Variants in PEX1 observed in about 807,000 individuals in gnomAD.
The protein encoded by PEX1 is peroxisomal biogenesis factor 1.
In PEX1, 97 loss-of-function variants were observed where a neutral mutation model predicts 152.5. The observed-to-expected ratio is 0.64, with a 90% CI of 0.54 to 0.75. The LOEUF (loss-of-function observed/expected upper bound fraction) is 0.75, where lower values mean the gene tolerates loss of function less well. PEX1 is among the 30% of genes least tolerant of loss of function. The pLI is 0.00. For missense variants in PEX1, 1,357 were observed against 1,516.3 expected (o/e 0.89, Z 1.74); for synonymous variants, 485 against 531.6 (o/e 0.91, Z 1.21).
chr7:92,487,392 C>T lies in PEX1; in HGVS notation c.*65G>A. On this transcript the variant is annotated 3_prime_UTR_variant, in exon 24 of 24. Transcript: ENST00000248633. The stretch of plus-strand genomic sequence containing the variant: ...AGAAATTCATAGACACCATTTTTTT[C>T]CTGTTACAACATATGGAAAAGCCAT... The T allele has an allele frequency of 3.6e-6, 3 of 823,668 alleles. No individual in the cohort carries two copies. Among genetic ancestry groups the T allele is most frequent in the Admixed American group, 2.3e-5 (1 of 43,546 alleles). The allele number at this position is 823,668 out of a possible 1,614,324, so 51.0% of individuals were successfully genotyped here. A position where few individuals can be genotyped will look rare whatever the true frequency, so the allele number is the denominator to read the frequency against.
At chr7:92,522,615 G>C (rs1288710935) in intron 1 of PEX1, among the ~76,000 whole-genome samples, 2 of 152,152 alleles carry the variant, frequency 1.3e-5, no homozygotes, top group South Asian at 4.1e-4. Flanking sequence ...AGCTATCTGT[G>C]CAGTATTTTC....
intron 8 of PEX1, among the ~76,000 whole-genome samples, chr7:92,509,955 C>T (rs572509288): frequency 1.3e-5 from 2 of 152,040 alleles, no homozygotes; most frequent in South Asian, 4.2e-4. Flanking sequence ...AGCAGCCTGG[C>T]CAACATGGTG....
Position 92,517,822 on chromosome 7 carries a change from G to A in PEX1, c.693C>T (p.Asn231=), listed in dbSNP as rs1463386429. The change falls in exon 5 of 24, where the codon AAC becomes AAT. Residue 231 remains asparagine, a synonymous_variant. Coordinates refer to ENST00000248633, the MANE Select transcript of PEX1 (RefSeq NM_000466.3). The stretch of plus-strand genomic sequence containing the variant: ...ATGAGTCAACTGGAATCTCTGACTC[G>A]TTTTCATTAGATTCAGTGATTCCCA... The part of the protein sequence containing the change: ...NTVGITESNE[N]ESEIPVDSSS... The A allele has an allele frequency of 3.2e-6, 5 of 1,547,274 alleles. No homozygotes were observed. The highest frequency in any genetic ancestry group is 1.7e-4 in the Middle Eastern group (1 of 5,734).
chr7:92,494,440 G>T, intron 18 of PEX1, 44 bp from the exon 19 acceptor site: 1 of 1,610,244 alleles, frequency 6.2e-7, no homozygotes, highest in Non-Finnish European at 8.5e-7. Flanking sequence ...CTGATGACAT[G>T]ATGACATTTT....
At chr7:92,521,955 G>C (rs1312551865) in intron 2 of PEX1, 147 bp downstream of exon 2, 5 of 743,044 alleles carry the variant, frequency 6.7e-6, no homozygotes, top group Non-Finnish European at 1.1e-5. Flanking sequence ...AGTATAGTCA[G>C]CTTCAATATC....
At position 92,509,280 on chromosome 7, in the gene PEX1, A is replaced by G. The variant is rs74801492; in HGVS notation, c.1670+49T>C. ...ATTTACATTGAAAACTCTGCCAGAT[A>G]TAGTGTTAAAAACATGTCTAACATG... is the stretch of plus-strand genomic sequence containing the variant. On this transcript the variant is annotated intron_variant, in intron 9 of 23. Coordinates refer to ENST00000248633, the MANE Select transcript of PEX1 (RefSeq NM_000466.3). 250 of 1,198,110 alleles carry G rather than the reference A, an allele frequency of 2.1e-4. No homozygotes were observed. The East Asian group carries it at 5.7e-3, about 27-fold the overall frequency. The allele number at this position is 1,198,110 out of a possible 1,614,324, so 74.2% of individuals were successfully genotyped here.
rs574785174 is a variant in PEX1 at position 92,489,733 on chromosome 7, C to T, written c.3617G>A (p.Arg1206Lys). The T allele has an allele frequency of 1.9e-6, 3 of 1,614,072 alleles. No individual in the cohort carries two copies. The highest frequency in any genetic ancestry group is 2.2e-5 in the South Asian group (2 of 91,076). ...CCATACTCCACTTTGGCTCCGGTAT[C>T]TGCCTTTGATAATACTGATATCTGC... ...LRADISIIKGRYRSQSGEDES... is the reference protein window; with the variant it reads ...LRADISIIKGKYRSQSGEDES... The change falls in exon 22 of 24, where the codon AGA (arginine) becomes AAA (lysine). Residue 1206 changes from arginine (R) to lysine (K), a missense_variant. Arg to Lys is a conservative substitution (Grantham distance 26, BLOSUM62 2). Transcript: ENST00000248633.
intron 1 of PEX1, among the ~76,000 whole-genome samples, chr7:92,526,219 A>G (rs970021591): frequency 6.6e-6 from 1 of 152,222 alleles, no homozygotes. Flanking sequence ...GCATCCAAGT[A>G]GCCTGAATAA....
At chr7:92,493,767 A>G (rs1480925326) in intron 19 of PEX1, 2 of 153,556 alleles carry the variant, frequency 1.3e-5, no homozygotes, top group East Asian at 1.9e-4. Flanking sequence ...AATAATTTAA[A>G]TAATAGCTAC....
intron 12 of PEX1, 100 bp from the exon 13 acceptor site, chr7:92,503,295 T>A: frequency 1.0e-6 from 1 of 987,134 alleles, no homozygotes; most frequent in Non-Finnish European, 1.6e-6. Flanking sequence ...GGTTGACCTT[T>A]AAGGTGCAGT....
In PEX1 at chr7:92,503,130, G is replaced by A. The variant is rs1057517468; in HGVS notation, c.2137C>T (p.Gln713Ter). ...AAAGGATGTAGAGATTGCTGAGACTGACTTGTGGCAATCAGTGCAACCAAA... is the reference window on the plus strand; with the variant it reads ...AAAGGATGTAGAGATTGCTGAGACTAACTTGTGGCAATCAGTGCAACCAAA... ...GSLVALIATS[Q>*]SQQSLHPLLV... Residue 713 changes from glutamine (Q) to a stop codon, truncating the protein, a stop_gained, in exon 13 of 24, where the codon CAG becomes TAG. Transcript: ENST00000248633. LOFTEE classifies it high-confidence loss of function. 3.1e-6 allele frequency: 5 copies of A among 1,613,330 alleles called. No individual in the cohort carries two copies. The highest frequency in any genetic ancestry group is 2.2e-5 in the East Asian group (1 of 44,824).
intron 19 of PEX1, chr7:92,494,006 T>C (rs1791508721): frequency 2.8e-6 from 1 of 357,442 alleles, no homozygotes; most frequent in Non-Finnish European, 5.3e-6. Flanking sequence ...TATGTAATCT[T>C]TGAACAGAAG....
chr7:92,513,825 G>A lies in PEX1; in HGVS notation c.1359+23C>T, dbSNP rs1015521371. On this transcript the variant is annotated intron_variant, in intron 6 of 23. Coordinates refer to ENST00000248633, the MANE Select transcript of PEX1 (RefSeq NM_000466.3). The stretch of plus-strand genomic sequence containing the variant: ...ACAAAACGTGTAAAAGAATTTTGAT[G>A]TAACATATATATTTGAACTCACTAA... 4 of 1,556,918 alleles carry A rather than the reference G, an allele frequency of 2.6e-6. No individual in the cohort carries two copies. The African/African-American group carries it at 4.1e-5, about 16-fold the overall frequency.
At chr7:92,519,142 T>C in intron 2 of PEX1, 64 bp from the exon 3 acceptor site, 4 of 891,484 alleles carry the variant, frequency 4.5e-6, no homozygotes, top group Non-Finnish European at 7.3e-6. Context: ...TATTAGAAAA[T>C]AAGAAGTTAT....
chr7:92,493,158 T>A, intron 19 of PEX1, 29 bp from the exon 20 acceptor site: 2 of 1,249,312 alleles, frequency 1.6e-6, no homozygotes, highest in Middle Eastern at 2.1e-4. Flanking sequence ...ATTTAACAAA[T>A]AAAAAATAAA....
Position 92,528,475 on chromosome 7 carries a change from C to T in PEX1, c.-40G>A. The stretch of plus-strand genomic sequence containing the variant: ...GCTCTGGGTTCGCCCACCCTAGCGC[C>T]GCAAAGGACCCGGGACCCGGCAGGC... On this transcript the variant is annotated 5_prime_UTR_variant, in exon 1 of 24. Coordinates refer to ENST00000248633, the MANE Select transcript of PEX1 (RefSeq NM_000466.3). The T allele has an allele frequency of 1.3e-6, 2 of 1,538,586 alleles. No individual in the cohort carries two copies. Among genetic ancestry groups the T allele is most frequent in the South Asian group, 2.4e-5 (2 of 83,618 alleles).
At chr7:92,503,539 C>T (rs1237146973) in intron 12 of PEX1, among the ~76,000 whole-genome samples, 1 of 152,144 alleles carries the variant, frequency 6.6e-6, no homozygotes, top group Non-Finnish European at 1.5e-5. Context: ...GATAAATTTC[C>T]ATACTGTATT....
intron 8 of PEX1, 53 bp downstream of exon 8, chr7:92,510,891 C>T: frequency 1.0e-6 from 1 of 965,848 alleles, no homozygotes; most frequent in South Asian, 1.4e-5. Flanking sequence ...ACTTTATTAT[C>T]AATCATATGT....
rs5885806 is a variant in PEX1 at position 92,499,847 on chromosome 7, C to CAA, written c.2584-11_2584-10dup. 3.0e-4 allele frequency: 404 copies of CAA among 1,324,762 alleles called. No individual in the cohort carries two copies. The highest frequency in any genetic ancestry group is 1.5e-3 in the African/African-American group (105 of 67,972). 82.1% of individuals were successfully genotyped at this position (1,324,762 alleles called of 1,614,324 possible). A position where few individuals can be genotyped will look rare whatever the true frequency, so the allele number is the denominator to read the frequency against. On this transcript the variant is annotated splice_polypyrimidine_tract_variant and intron_variant, in intron 15 of 23. Transcript: ENST00000248633. The stretch of plus-strand genomic sequence containing the variant: ...GCAAATAATTCTGGATACTGAGAAA[C>CAA]AAAAAAAAAAAATATGAAAAAGAGC...
Sources: gnomAD v4.1 joint callset for allele counts (sites outside exome capture counted in the v4.1 genomes callset) on GRCh38, gnomAD v4.1.1 for gene constraint, MANE v1.5 for transcripts, NCBI Gene and HGNC (gene_info 2026-07-23, HGNC 2026-07-21) for gene names.